The following SUCLG2 variants were observed in gnomAD, a reference collection of about 807,000 sequenced individuals.
SUCLG2 encodes succinate--CoA ligase [GDP-forming] subunit beta, mitochondrial.
SUCLG2 carries 42 observed loss-of-function variants against 47.9 expected under a neutral mutation model. The ratio of observed to expected loss-of-function variants is 0.88; its 90% CI spans 0.69 to 1.14. The LOEUF (loss-of-function observed/expected upper bound fraction) is 1.14, where lower values mean the gene tolerates loss of function less well. Among genes scored for constraint, SUCLG2 ranks in the 50% most tolerant of loss-of-function variants. SUCLG2 has a pLI of 0.00. For missense variants in SUCLG2, 571 were observed against 525.9 expected, an observed-to-expected ratio of 1.09 and a Z score of -0.84; for synonymous variants, 195 against 197.3, an observed-to-expected ratio of 0.99 and a Z score of 0.10.
chr3:67,622,594 T>C (rs1700754374), intron 1 of SUCLG2, among the ~76,000 whole-genome samples: 1 of 152,250 alleles, frequency 6.6e-6, no homozygotes, highest in Non-Finnish European at 1.5e-5. Flanking sequence ...ATAAAAGTTA[T>C]CTATTTCATG....
chr3:67,382,787 A>AT (rs1702185718), intron 10 of SUCLG2, among the ~76,000 whole-genome samples: 1 of 152,144 alleles, frequency 6.6e-6, no homozygotes, highest in African/African-American at 2.4e-5. Flanking sequence ...AGCCTAAAGT[A>AT]TTTCAGCCCC....
At chr3:67,579,596 G>A (rs963905186) in intron 2 of SUCLG2, among the ~76,000 whole-genome samples, 8 of 152,124 alleles carry the variant, frequency 5.3e-5, no homozygotes, top group African/African-American at 1.7e-4. Flanking sequence ...TCTCTGTCCT[G>A]GCTTCTCTTT....
At chr3:67,548,829 G>A (rs1706934161) in intron 2 of SUCLG2, among the ~76,000 whole-genome samples, 1 of 152,122 alleles carries the variant, frequency 6.6e-6, no homozygotes, top group Admixed American at 6.6e-5. Flanking sequence ...AAAGCGCAAT[G>A]TCCAATGCCT....
intron 9 of SUCLG2, among the ~76,000 whole-genome samples, chr3:67,422,516 C>CAATTTTACT (rs1703191453): frequency 1.1e-5 from 1 of 94,128 alleles, no homozygotes; most frequent in East Asian, 3.1e-4. Context: ...ACATTCAACA[C>CAATTTTACT]AATTTTACTA....
intron 2 of SUCLG2, among the ~76,000 whole-genome samples, chr3:67,596,938 G>GCA (rs1318899862): frequency 6.6e-6 from 1 of 152,126 alleles, no homozygotes; most frequent in Non-Finnish European, 1.5e-5. Context: ...ACTGAAATGA[G>GCA]CACATATCCA....
intron 10 of SUCLG2, among the ~76,000 whole-genome samples, chr3:67,397,201 G>A (rs905649843): frequency 2.0e-5 from 3 of 151,880 alleles, no homozygotes; most frequent in African/African-American, 7.3e-5. Context: ...GGAAATGAAG[G>A]GTATTCAATT....
At chr3:67,369,224 C>T (rs760080990) in intron 10 of SUCLG2, among the ~76,000 whole-genome samples, 5 of 152,004 alleles carry the variant, frequency 3.3e-5, no homozygotes, top group African/African-American at 9.7e-5. Context: ...AAGTATTACA[C>T]GAATAGGTTC....
intron 10 of SUCLG2, among the ~76,000 whole-genome samples, chr3:67,396,545 T>A (rs1366295001): frequency 2.2e-3 from 338 of 151,988 alleles, no homozygotes; most frequent in African/African-American, 7.5e-3. Context: ...TTACCAACCA[T>A]AAAGAGTCCA....
intron 10 of SUCLG2, among the ~76,000 whole-genome samples, chr3:67,384,481 A>C (rs1702220939): frequency 6.6e-6 from 1 of 152,236 alleles, no homozygotes; most frequent in Non-Finnish European, 1.5e-5. Flanking sequence ...AGAGCTGAGT[A>C]ATCACAACAG....
intron 2 of SUCLG2, among the ~76,000 whole-genome samples, chr3:67,543,752 A>G (rs910418095): frequency 6.6e-6 from 1 of 152,242 alleles, no homozygotes; most frequent in South Asian, 2.1e-4. Context: ...GTACAACATT[A>G]TATCTTTTCT....
At chr3:67,528,068 A>G (rs1228464956) in intron 4 of SUCLG2, 64 bp downstream of exon 4, 3 of 1,431,440 alleles carry the variant, frequency 2.1e-6, no homozygotes, top group Non-Finnish European at 2.9e-6. Context: ...CAAAAACTGA[A>G]GGATGGTTTT....
intron 10 of SUCLG2, among the ~76,000 whole-genome samples, chr3:67,389,413 T>G (rs1428249827): frequency 6.6e-6 from 1 of 152,152 alleles, no homozygotes; most frequent in Non-Finnish European, 1.5e-5. Context: ...ATGGTCATTT[T>G]AAAGGCCCTT....
chr3:67,495,394 C>A (rs916400543), intron 9 of SUCLG2, among the ~76,000 whole-genome samples: 1 of 152,174 alleles, frequency 6.6e-6, no homozygotes, highest in South Asian at 2.1e-4. Flanking sequence ...GTGGCTCATG[C>A]CTGTAATTTC....
At chr3:67,488,168 A>C (rs1269934297) in intron 9 of SUCLG2, among the ~76,000 whole-genome samples, 2 of 152,004 alleles carry the variant, frequency 1.3e-5, no homozygotes, top group Non-Finnish European at 2.9e-5. Context: ...TCTATTTTAT[A>C]ATTTTCTCTT....
At chr3:67,372,277 T>C (rs1408544254), downstream of SUCLG2, among the ~76,000 whole-genome samples, 1 of 152,236 alleles carries the variant, frequency 6.6e-6, no homozygotes, top group Non-Finnish European at 1.5e-5. Context: ...CCAACATCTT[T>C]GCCATTAACT....
At chr3:67,403,800 G>C (rs4856781) in intron 9 of SUCLG2, among the ~76,000 whole-genome samples, 111,829 of 152,132 alleles carry the variant, frequency 0.74, 41,619 homozygotes, top group Admixed American at 0.82. Flanking sequence ...GGTGAAGTAA[G>C]TTAAGATGAT....
chr3:67,545,529 C>T (rs1706840616), intron 2 of SUCLG2, among the ~76,000 whole-genome samples: 1 of 152,132 alleles, frequency 6.6e-6, no homozygotes, highest in East Asian at 1.9e-4. Flanking sequence ...AAGTCTATTG[C>T]TCGAATGTTA....
At chr3:67,363,466 G>T (rs1701835787) in intron 10 of SUCLG2, among the ~76,000 whole-genome samples, 1 of 152,114 alleles carries the variant, frequency 6.6e-6, no homozygotes, top group South Asian at 2.1e-4. Flanking sequence ...GATAATCAGA[G>T]AATAGGTGAT....
chr3:67,413,764 T>C (rs1575679458), intron 9 of SUCLG2, among the ~76,000 whole-genome samples: 1 of 152,210 alleles, frequency 6.6e-6, no homozygotes, highest in Admixed American at 6.5e-5. Context: ...GTCCACAACG[T>C]AGACAAGCAT....
Sources: gnomAD v4.1 joint callset for allele counts (sites outside exome capture counted in the v4.1 genomes callset) on GRCh38, gnomAD v4.1.1 for gene constraint, MANE v1.5 for transcripts, NCBI Gene and HGNC (gene_info 2026-07-23, HGNC 2026-07-21) for gene names.